The following IMPA1 variants were observed in gnomAD, a reference collection of about 807,000 sequenced individuals.
IMPA1 encodes inositol monophosphatase 1.
Under a neutral mutation model 34.9 loss-of-function variants are expected in IMPA1, and 21 were observed. The ratio of observed to expected loss-of-function variants is 0.60; its 90% CI spans 0.43 to 0.87. IMPA1 has a LOEUF of 0.87. Ranked by LOEUF, IMPA1 falls within the 40% of genes least tolerant of loss-of-function variation. The pLI is 0.00. For missense variants in IMPA1, 299 were observed against 336.4 expected (o/e 0.89, Z 0.87); for synonymous variants, 95 against 104.4 (o/e 0.91, Z 0.55).
chr8:81,660,532 C>T lies in IMPA1; in HGVS notation c.702G>A (p.Val234=). 1.2e-6 allele frequency: 2 copies of T among 1,613,728 alleles called. No individual in the cohort carries two copies. Among genetic ancestry groups the T allele is most frequent in the Non-Finnish European group, 8.5e-7 (1 of 1,179,706 alleles). Residue 234 remains valine, a synonymous_variant, in exon 8 of 9, where the codon GTG becomes GTA. Transcript: ENST00000256108. ...TAATTTTACCTGTAACATCCATTAGCACGCCACCAGCTTCAGTAACAATAA... is the reference window on the plus strand; with the variant it reads ...TAATTTTACCTGTAACATCCATTAGTACGCCACCAGCTTCAGTAACAATAA... ...AGIIVTEAGG[V]LMDVTGGPFD...
At chr8:81,666,694 C>A (rs969323889) in intron 7 of IMPA1, among the ~76,000 whole-genome samples, 1 of 151,688 alleles carries the variant, frequency 6.6e-6, no homozygotes, top group South Asian at 2.1e-4. Flanking sequence ...GCCAACATGG[C>A]GAAACCCTGT....
At chr8:81,683,988 G>C (rs896761661) in intron 1 of IMPA1, among the ~76,000 whole-genome samples, 3 of 151,972 alleles carry the variant, frequency 2.0e-5, no homozygotes, top group Non-Finnish European at 2.9e-5. Context: ...TCTACAGTCA[G>C]ACAAGGTAGG....
At chr8:81,661,923 C>T (rs990156949) in intron 7 of IMPA1, among the ~76,000 whole-genome samples, 13 of 152,112 alleles carry the variant, frequency 8.5e-5, no homozygotes, top group Non-Finnish European at 1.8e-4. Context: ...GAGTTCTGTT[C>T]AATGAGATCT....
intron 7 of IMPA1, among the ~76,000 whole-genome samples, chr8:81,665,112 A>G (rs887276813): frequency 4.6e-5 from 7 of 152,086 alleles, no homozygotes; most frequent in Non-Finnish European, 1.0e-4. Flanking sequence ...ACTGCAAAAC[A>G]TCGAACGCTG....
intron 5 of IMPA1, chr8:81,674,980 C>T (rs972214608): frequency 1.3e-5 from 5 of 381,778 alleles, no homozygotes; most frequent in African/African-American, 8.4e-5. Flanking sequence ...CTTAGTTCAC[C>T]CACACCCCAG....
chr8:81,675,255 C>A (rs115981138), intron 5 of IMPA1, among the ~76,000 whole-genome samples: 2,282 of 151,216 alleles, frequency 0.015, 56 homozygotes, highest in African/African-American at 0.052. Context: ...ACCACCCCCC[C>A]ACCCCCGCCA....
rs146121479 is a variant in IMPA1 at position 81,657,508 on chromosome 8, A to C, written c.*1843T>G. Among the ~76,000 whole-genome samples, 76 of 152,094 alleles carry C rather than the reference A, an allele frequency of 5.0e-4. No homozygotes were observed. In the East Asian group the frequency reaches 0.014, roughly 28 times the overall value. On this transcript the variant is annotated 3_prime_UTR_variant, in exon 9 of 9. Coordinates refer to ENST00000256108, the MANE Select transcript of IMPA1 (RefSeq NM_005536.4). Reference sequence around the variant, plus strand: ...AGGTGGGAGGACTGCTTGAGCCCAGAAGGTTGAGACTGCAATGAATGGTGA... The same window carrying C: ...AGGTGGGAGGACTGCTTGAGCCCAGCAGGTTGAGACTGCAATGAATGGTGA...
intron 3 of IMPA1, 64 bp from the exon 4 acceptor site, chr8:81,679,294 C>A: frequency 9.2e-7 from 1 of 1,092,384 alleles, no homozygotes. Context: ...CAAATCATAA[C>A]ATTTCCTTAG....
chr8:81,660,985 C>T (rs1030898722), intron 7 of IMPA1, among the ~76,000 whole-genome samples: 5 of 151,994 alleles, frequency 3.3e-5, no homozygotes, highest in South Asian at 2.1e-4. Flanking sequence ...TGTCTAAATC[C>T]AGCTACTAAA....
At chr8:81,682,723 G>C (rs977729350) in intron 1 of IMPA1, among the ~76,000 whole-genome samples, 2 of 151,830 alleles carry the variant, frequency 1.3e-5, no homozygotes, top group Admixed American at 6.6e-5. Flanking sequence ...GCCAGAAACA[G>C]CTCAAGCCAC....
chr8:81,672,479 A>G (rs1362970173), intron 6 of IMPA1, among the ~76,000 whole-genome samples: 1 of 152,232 alleles, frequency 6.6e-6, no homozygotes, highest in Non-Finnish European at 1.5e-5. Flanking sequence ...CATGCACCCT[A>G]TAATTCAACA....
chr8:81,660,483 T>C (rs779473908), intron 8 of IMPA1, 33 bp downstream of exon 8: 7 of 1,598,338 alleles, frequency 4.4e-6, no homozygotes, highest in Non-Finnish European at 5.1e-6. Context: ...CCAACAGATG[T>C]GTGGAGATCT....
intron 3 of IMPA1, among the ~76,000 whole-genome samples, 197 bp from the exon 4 acceptor site, chr8:81,679,427 A>C (rs1807226628): frequency 6.6e-6 from 1 of 152,144 alleles, no homozygotes; most frequent in Non-Finnish European, 1.5e-5. Flanking sequence ...AGCCTGGCCA[A>C]TGTGGTGAAA....
At chr8:81,685,359 G>A (rs1311222490) in intron 1 of IMPA1, among the ~76,000 whole-genome samples, 3 of 136,438 alleles carry the variant, frequency 2.2e-5, no homozygotes, top group East Asian at 2.1e-4. Context: ...AAGTATATAT[G>A]TAAGTATATT....
intron 4 of IMPA1, among the ~76,000 whole-genome samples, chr8:81,678,267 G>GT: frequency 6.6e-6 from 1 of 151,810 alleles, no homozygotes; most frequent in Non-Finnish European, 1.5e-5. Context: ...TTTTAACCGT[G>GT]TTTTTTCTCC....
rs190689353 is a variant in IMPA1 at position 81,685,177 on chromosome 8, T to C, written c.-25+1075A>G. ...ACTATACATAAGTATATTTAGATAC[T>C]ATATATACTATACATAAGTATATTT... On this transcript the variant is annotated intron_variant, in intron 1 of 8. Coordinates refer to ENST00000256108, the MANE Select transcript of IMPA1 (RefSeq NM_005536.4). Among the ~76,000 whole-genome samples, 3 of 136,126 alleles carry C rather than the reference T, an allele frequency of 2.2e-5. No homozygotes were observed. The East Asian group carries it at 6.3e-4, about 29-fold the overall frequency. The allele number at this position is 136,126 out of a possible 152,430, so 89.3% of individuals were successfully genotyped here.
rs545456167 is a variant in IMPA1, at chr8:81,685,885, C to A, written c.-25+367G>T. On this transcript the variant is annotated intron_variant, in intron 1 of 8. Coordinates refer to ENST00000256108, the MANE Select transcript of IMPA1 (RefSeq NM_005536.4). Reference sequence around the variant, plus strand: ...GCCACCTGTCCCAGCACCGCGACTGCGGGCAGCACAGGACCTGGGCGCTGC... The same window carrying A: ...GCCACCTGTCCCAGCACCGCGACTGAGGGCAGCACAGGACCTGGGCGCTGC... 16 of 1,547,868 alleles carry A rather than the reference C, an allele frequency of 1.0e-5. No homozygotes were observed. The South Asian group carries it at 1.7e-4, about 16-fold the overall frequency.
chr8:81,686,150 G>T, intron 1 of IMPA1, 102 bp downstream of exon 1: 1 of 882,816 alleles, frequency 1.1e-6, no homozygotes, highest in Non-Finnish European at 1.5e-6. Context: ...CGCCGACCGC[G>T]CACGGCGCTC....
At chr8:81,683,192 A>G (rs1807350500) in intron 1 of IMPA1, among the ~76,000 whole-genome samples, 1 of 152,214 alleles carries the variant, frequency 6.6e-6, no homozygotes. Flanking sequence ...ATTAAGGGAA[A>G]CAGGAGAGAT....
Sources: allele counts gnomAD v4.1 joint callset (sites outside exome capture counted in the v4.1 genomes callset), GRCh38; gene constraint gnomAD v4.1.1; transcripts MANE v1.5; gene names NCBI Gene and HGNC (gene_info 2026-07-23, HGNC 2026-07-21).